Variants in KCNK10 observed in about 807,000 individuals in gnomAD.
The protein encoded by KCNK10 is potassium two pore domain channel subfamily K member 10.
Under a neutral mutation model 47.7 loss-of-function variants are expected in KCNK10, and 25 were observed. That is an observed-to-expected ratio of 0.52 (90% CI 0.38 to 0.73). The LOEUF is 0.73. Ranked by LOEUF, KCNK10 falls within the 30% of genes least tolerant of loss-of-function variation. The pLI, the probability that KCNK10 is intolerant of heterozygous loss-of-function variation, is 0.00. For missense variants in KCNK10, 563 were observed against 714.5 expected, an observed-to-expected ratio of 0.79 and a Z score of 2.42; for synonymous variants, 303 against 285.6, an observed-to-expected ratio of 1.06 and a Z score of -0.61.
At chr14:88,324,088 G>A (rs550362253), upstream of KCNK10, among the ~76,000 whole-genome samples, 7 of 152,202 alleles carry the variant, frequency 4.6e-5, no homozygotes, top group African/African-American at 1.7e-4. Context: ...AGAGAGGCAC[G>A]GGGGCCCCCG....
chr14:88,312,974 T>A (rs1177020278), intron 1 of KCNK10, among the ~76,000 whole-genome samples: 1 of 152,192 alleles, frequency 6.6e-6, no homozygotes, highest in Non-Finnish European at 1.5e-5. Flanking sequence ...TGTGGTTAAG[T>A]AGAAAATGCA....
At chr14:88,307,358 A>ACACACACACAC (rs1888225552) in intron 1 of KCNK10, among the ~76,000 whole-genome samples, 3 of 86,704 alleles carry the variant, frequency 3.5e-5, no homozygotes, top group Non-Finnish European at 8.5e-5. Flanking sequence ...CACACACACA[A>ACACACACACAC]ATATCTACCT....
intron 1 of KCNK10, among the ~76,000 whole-genome samples, chr14:88,264,948 T>C (rs2139755993): frequency 6.6e-6 from 1 of 152,284 alleles, no homozygotes; most frequent in African/African-American, 2.4e-5. Flanking sequence ...CTCCCATTCA[T>C]TCTGCCTCAT....
intron 6 of KCNK10, 82 bp downstream of exon 6, chr14:88,187,885 G>T: frequency 1.4e-6 from 2 of 1,453,296 alleles, no homozygotes; most frequent in Non-Finnish European, 1.9e-6. Context: ...AAACACTCCA[G>T]CCCACAGGAC....
At chr14:88,245,974 T>C (rs1048002258) in intron 2 of KCNK10, among the ~76,000 whole-genome samples, 13 of 152,160 alleles carry the variant, frequency 8.5e-5, no homozygotes, top group African/African-American at 3.1e-4. Flanking sequence ...TCTTACTCCC[T>C]GAACGGCACA....
At chr14:88,240,641 G>A in intron 3 of KCNK10, 62 bp downstream of exon 3, 1 of 1,070,244 alleles carries the variant, frequency 9.3e-7, no homozygotes, top group Non-Finnish European at 1.5e-6. Context: ...ACAAAACACT[G>A]ACTAAGCGCC....
intron 4 of KCNK10, among the ~76,000 whole-genome samples, chr14:88,204,311 A>C (rs1885194804): frequency 6.6e-6 from 1 of 152,330 alleles, no homozygotes; most frequent in African/African-American, 2.4e-5. Context: ...AAGGAGTGAC[A>C]ACCCTTCCTT....
chr14:88,248,481 T>C (rs531035748), intron 2 of KCNK10, among the ~76,000 whole-genome samples: 4 of 152,184 alleles, frequency 2.6e-5, no homozygotes, highest in East Asian at 1.9e-4. Context: ...ATAATCCCCA[T>C]ACTTTGGGAG....
intron 1 of KCNK10, among the ~76,000 whole-genome samples, chr14:88,297,574 C>T (rs1390525702): frequency 6.6e-6 from 1 of 152,188 alleles, no homozygotes; most frequent in Non-Finnish European, 1.5e-5. Flanking sequence ...CTTCTCCTTT[C>T]ATTTGTACCC....
intron 4 of KCNK10, among the ~76,000 whole-genome samples, chr14:88,217,039 C>T (rs1040559444): frequency 1.3e-5 from 2 of 152,114 alleles, no homozygotes; most frequent in African/African-American, 2.4e-5. Context: ...CGCCTGTAGC[C>T]GCAGCTACTC....
At chr14:88,320,098 C>A (rs1450666938) in intron 1 of KCNK10, among the ~76,000 whole-genome samples, 1 of 152,196 alleles carries the variant, frequency 6.6e-6, no homozygotes, top group African/African-American at 2.4e-5. Context: ...AAAGTCAGAG[C>A]AACTCCACTG....
intron 1 of KCNK10, among the ~76,000 whole-genome samples, chr14:88,273,456 A>G (rs772006184): frequency 1.9e-4 from 29 of 152,160 alleles, no homozygotes; most frequent in Non-Finnish European, 3.5e-4. Context: ...CTGTTCCAGA[A>G]CTTCTGAGCA....
intron 4 of KCNK10, among the ~76,000 whole-genome samples, chr14:88,225,054 T>A (rs544926937): frequency 2.4e-4 from 37 of 152,354 alleles, no homozygotes; most frequent in African/African-American, 8.4e-4. Context: ...GAACTAAAAA[T>A]TCACAACCCC....
intron 2 of KCNK10, among the ~76,000 whole-genome samples, chr14:88,247,776 C>G (rs1045803848): frequency 2.6e-5 from 4 of 152,020 alleles, no homozygotes; most frequent in African/African-American, 9.7e-5. Context: ...TTCATTAGCC[C>G]CTTGGGTATT....
At chr14:88,210,502 C>T (rs1208779575) in intron 4 of KCNK10, among the ~76,000 whole-genome samples, 2 of 152,164 alleles carry the variant, frequency 1.3e-5, no homozygotes, top group Non-Finnish European at 2.9e-5. Flanking sequence ...AAAAGGATTT[C>T]AGAGTAGAAA....
intron 4 of KCNK10, among the ~76,000 whole-genome samples, chr14:88,207,168 C>CTTTTTTT (rs55711197): frequency 1.9e-5 from 2 of 107,750 alleles, no homozygotes; most frequent in African/African-American, 3.8e-5. Flanking sequence ...AGGTCACTCT[C>CTTTTTTT]TTTTTTTTTT....
At chr14:88,287,685 GTGTGTGTGTGTGTGTGTGTGT>G (rs1887794074) in intron 1 of KCNK10, among the ~76,000 whole-genome samples, 1 of 28,242 alleles carries the variant, frequency 3.5e-5, no homozygotes, top group African/African-American at 8.1e-5. Flanking sequence ...GTGTGTGTGT[GTGTGTGTGTGTGTGTGTGTGT>G]GTGTGTGTGT....
intron 4 of KCNK10, among the ~76,000 whole-genome samples, chr14:88,216,958 C>T (rs902976181): frequency 6.6e-6 from 1 of 152,148 alleles, no homozygotes; most frequent in African/African-American, 2.4e-5. Flanking sequence ...AGTTCGAGAC[C>T]AGCCTGGCCA....
At chr14:88,203,296 A>T (rs920387562) in intron 4 of KCNK10, among the ~76,000 whole-genome samples, 1 of 152,240 alleles carries the variant, frequency 6.6e-6, no homozygotes, top group Admixed American at 6.5e-5. Flanking sequence ...TTGGGTTTCC[A>T]ACCATCCCAA....
Sources: allele counts gnomAD v4.1 joint callset (sites outside exome capture counted in the v4.1 genomes callset), GRCh38; gene constraint gnomAD v4.1.1; transcripts MANE v1.5; gene names NCBI Gene and HGNC (gene_info 2026-07-23, HGNC 2026-07-21).